The following SLIT2 variants were observed in gnomAD, a reference collection of about 807,000 sequenced individuals.
SLIT2 encodes the protein slit homolog 2 protein.
Under a neutral mutation model 185.7 loss-of-function variants are expected in SLIT2, and 41 were observed. That is an observed-to-expected ratio of 0.22 (90% CI 0.17 to 0.29). The LOEUF is 0.29. Among genes scored for constraint, SLIT2 ranks in the 10% least tolerant of loss-of-function variants. The pLI is 1.00. For missense variants in SLIT2, 1,571 were observed against 1,909.0 expected, an observed-to-expected ratio of 0.82 and a Z score of 3.30; for synonymous variants, 693 against 680.2, an observed-to-expected ratio of 1.02 and a Z score of -0.29.
intron 4 of SLIT2, among the ~76,000 whole-genome samples, chr4:20,386,337 C>T (rs939213936): frequency 4.6e-5 from 7 of 152,188 alleles, no homozygotes; most frequent in Admixed American, 1.3e-4. Flanking sequence ...TTTATGGCTT[C>T]ATCTAAGATG....
chr4:20,331,773 C>T (rs1413193556), intron 4 of SLIT2, among the ~76,000 whole-genome samples: 1 of 152,106 alleles, frequency 6.6e-6, no homozygotes, highest in African/African-American at 2.4e-5. Context: ...TCCCAGTACC[C>T]ATTGCCAGTC....
intron 9 of SLIT2, among the ~76,000 whole-genome samples, chr4:20,502,729 G>A (rs1254126182): frequency 6.6e-6 from 1 of 152,128 alleles, no homozygotes; most frequent in African/African-American, 2.4e-5. Flanking sequence ...AATATAAAGT[G>A]GAAGTCAAAT....
At chr4:20,507,243 GT>G (rs1177341825) in intron 9 of SLIT2, among the ~76,000 whole-genome samples, 3 of 151,874 alleles carry the variant, frequency 2.0e-5, no homozygotes, top group Admixed American at 6.6e-5. Context: ...TATAATTTGG[GT>G]TTTTTTGGTG....
intron 26 of SLIT2, 147 bp from the exon 27 acceptor site, chr4:20,567,115 T>C (rs1048899105): frequency 2.2e-5 from 16 of 732,504 alleles, no homozygotes; most frequent in Non-Finnish European, 3.1e-5. Flanking sequence ...AGGATGCTGA[T>C]TTCTGGCTTG....
rs191725684 is a variant in SLIT2, at chr4:20,338,160, C to T, written c.395+69279C>T. Among the ~76,000 whole-genome samples, 4 of 152,246 alleles carry T rather than the reference C, an allele frequency of 2.6e-5. No individual in the cohort carries two copies. In the East Asian group the frequency reaches 7.7e-4, roughly 29 times the overall value. Reference sequence around the variant, plus strand: ...CTCTCATACATTTTTAAATTGTTCTCATTCAAGTTGTCACATCCTGACAGG... The same window carrying T: ...CTCTCATACATTTTTAAATTGTTCTTATTCAAGTTGTCACATCCTGACAGG... On this transcript the variant is annotated intron_variant, in intron 4 of 36. Transcript: ENST00000504154.
At chr4:20,533,038 AT>A (rs1223315987) in intron 17 of SLIT2, among the ~76,000 whole-genome samples, 1 of 152,212 alleles carries the variant, frequency 6.6e-6, no homozygotes, top group Non-Finnish European at 1.5e-5. Context: ...TCTGGCAAGC[AT>A]TGTAGTAGTT....
At chr4:20,300,675 T>G (rs1230603428) in intron 4 of SLIT2, among the ~76,000 whole-genome samples, 2 of 152,086 alleles carry the variant, frequency 1.3e-5, no homozygotes, top group African/African-American at 4.8e-5. Flanking sequence ...AACATGATAA[T>G]GGACATATAT....
chr4:20,290,993 TCCCTCCCAATCCAGGGGTGG>T (rs1715755556), intron 4 of SLIT2, among the ~76,000 whole-genome samples: 1 of 151,896 alleles, frequency 6.6e-6, no homozygotes, highest in Non-Finnish European at 1.5e-5. Context: ...GGATTGGGTG[TCCCTCCCAATCCAGGGGTGG>T]CCCAGCATCC....
At chr4:20,275,255 A>T (rs537052444) in intron 4 of SLIT2, among the ~76,000 whole-genome samples, 1 of 152,266 alleles carries the variant, frequency 6.6e-6, no homozygotes, top group South Asian at 2.1e-4. Context: ...GAGGTTGTGT[A>T]AAATGATAGT....
chr4:20,270,876 G>C (rs1238232663), intron 4 of SLIT2, among the ~76,000 whole-genome samples: 1 of 151,964 alleles, frequency 6.6e-6, no homozygotes, highest in Non-Finnish European at 1.5e-5. Context: ...TTAAGGAACT[G>C]TTGCTTCATC....
At chr4:20,469,981 C>G (rs931161879) in intron 5 of SLIT2, among the ~76,000 whole-genome samples, 7 of 151,932 alleles carry the variant, frequency 4.6e-5, no homozygotes, top group Admixed American at 6.6e-5. Flanking sequence ...TCTCGAACTC[C>G]TGACCTCAGG....
chr4:20,618,652 A>G (rs1578035662), intron 36 of SLIT2, 116 bp from the exon 37 acceptor site: 2 of 1,075,292 alleles, frequency 1.9e-6, no homozygotes, highest in Non-Finnish European at 2.7e-6. Flanking sequence ...AATAATATGT[A>G]AAGCAAGTTA....
chr4:20,535,865 C>T (rs1268880176), intron 18 of SLIT2, among the ~76,000 whole-genome samples: 1 of 151,970 alleles, frequency 6.6e-6, no homozygotes, highest in Non-Finnish European at 1.5e-5. Flanking sequence ...TCCAAATATA[C>T]GTATGTTCTG....
intron 9 of SLIT2, among the ~76,000 whole-genome samples, chr4:20,495,323 A>C (rs1718135597): frequency 6.6e-6 from 1 of 152,172 alleles, no homozygotes; most frequent in Non-Finnish European, 1.5e-5. Context: ...TTAGAGAGAA[A>C]CGAGAGTGTG....
chr4:20,368,944 A>T (rs1215553709), intron 4 of SLIT2, among the ~76,000 whole-genome samples: 3 of 152,052 alleles, frequency 2.0e-5, no homozygotes, highest in Non-Finnish European at 4.4e-5. Context: ...CAATAACAAG[A>T]CCCTGTCCTC....
chr4:20,473,214 G>C (rs1475496187), intron 5 of SLIT2, among the ~76,000 whole-genome samples: 2 of 142,338 alleles, frequency 1.4e-5, no homozygotes, highest in Non-Finnish European at 3.1e-5. Flanking sequence ...TATTTTTCCA[G>C]TTTGCTTGCA....
At position 20,480,906 on chromosome 4, in the gene SLIT2, C is replaced by T. The variant is rs1342621689; in HGVS notation, c.539+119C>T. ...GTCAAAATAGTCTCTCAAGAGATAC[C>T]TTAAATAACTCATGGTGAATACAGA... On this transcript the variant is annotated intron_variant, in intron 6 of 36. Transcript: ENST00000504154. The T allele has an allele frequency of 1.2e-5, 9 of 729,932 alleles. No homozygotes were observed. In the East Asian group the frequency reaches 2.3e-4, roughly 18 times the overall value. 45.2% of individuals were successfully genotyped at this position (729,932 alleles called of 1,614,324 possible).
At chr4:20,417,322 C>T (rs1362807235) in intron 4 of SLIT2, among the ~76,000 whole-genome samples, 1 of 151,164 alleles carries the variant, frequency 6.6e-6, no homozygotes, top group Non-Finnish European at 1.5e-5. Context: ...TATTTCCTAC[C>T]CCTCTCTTCC....
intron 9 of SLIT2, among the ~76,000 whole-genome samples, chr4:20,496,397 C>T (rs138864882): frequency 7.4e-4 from 112 of 152,294 alleles, no homozygotes; most frequent in African/African-American, 2.5e-3. Context: ...GCAGTTGGAT[C>T]GCAATGTTGG....
Sources: allele counts gnomAD v4.1 joint callset (sites outside exome capture counted in the v4.1 genomes callset), GRCh38; gene constraint gnomAD v4.1.1; transcripts MANE v1.5; gene names NCBI Gene and HGNC (gene_info 2026-07-23, HGNC 2026-07-21).